The following PTPRD variants were observed in gnomAD, a reference collection of about 807,000 sequenced individuals.
PTPRD encodes the protein receptor-type tyrosine-protein phosphatase delta.
In PTPRD, 34 loss-of-function variants were observed where a neutral mutation model predicts 214.5. That is an observed-to-expected ratio of 0.16 (90% CI 0.12 to 0.21). The LOEUF is 0.21. Ranked by LOEUF, PTPRD falls within the 10% of genes least tolerant of loss-of-function variation. PTPRD has a pLI of 1.00. For missense variants in PTPRD, 2,545 were observed against 2,398.7 expected, an observed-to-expected ratio of 1.06 and a Z score of -1.27; for synonymous variants, 1,128 against 845.7, an observed-to-expected ratio of 1.33 and a Z score of -5.79.
chr9:9,255,254 T>G (rs1336152708), intron 9 of PTPRD, among the ~76,000 whole-genome samples: 3 of 152,046 alleles, frequency 2.0e-5, no homozygotes, highest in Non-Finnish European at 4.4e-5. Context: ...TTATTTAAAT[T>G]TAGATTCCGT....
Position 8,316,528 on chromosome 9 carries a change from T to TAAAC in PTPRD, c.*1342_*1345dup, listed in dbSNP as rs963427049. 4.3e-5 allele frequency: 10 copies of TAAAC among 230,602 alleles called. No homozygotes were observed. The highest frequency in any genetic ancestry group is 6.6e-5 in the African/African-American group (3 of 45,164). 14.3% of individuals were successfully genotyped at this position (230,602 alleles called of 1,614,324 possible). On this transcript the variant is annotated 3_prime_UTR_variant, in exon 46 of 46. Transcript: ENST00000381196. ...AATATACGATTGAATACACTTTTTT[T>TAAAC]AAACAACTCGATAGCTGATATATTA...
At chr9:9,607,745 TAAA>T (rs61080071) in intron 7 of PTPRD, among the ~76,000 whole-genome samples, 8 of 140,704 alleles carry the variant, frequency 5.7e-5, no homozygotes, top group Non-Finnish European at 4.6e-5. Context: ...AGACTGTTAG[TAAA>T]AAAAAAAAAA....
chr9:9,077,965 A>C (rs948498289), intron 10 of PTPRD, among the ~76,000 whole-genome samples: 1 of 152,084 alleles, frequency 6.6e-6, no homozygotes, highest in Non-Finnish European at 1.5e-5. Context: ...TAGAAATAAG[A>C]GTGAATAAGA....
At chr9:10,101,283 T>G (rs1195310448) in intron 3 of PTPRD, among the ~76,000 whole-genome samples, 1 of 151,704 alleles carries the variant, frequency 6.6e-6, no homozygotes, top group Non-Finnish European at 1.5e-5. Flanking sequence ...TGGAAATTGA[T>G]GTAGGTGTGA....
chr9:9,871,763 G>T (rs923702841), intron 5 of PTPRD, among the ~76,000 whole-genome samples: 2 of 152,094 alleles, frequency 1.3e-5, no homozygotes, highest in African/African-American at 2.4e-5. Context: ...GGGAGGAGAA[G>T]CTCATGGGCA....
At chr9:9,158,818 T>C (rs1192414999) in intron 10 of PTPRD, among the ~76,000 whole-genome samples, 1 of 152,110 alleles carries the variant, frequency 6.6e-6, no homozygotes, top group Non-Finnish European at 1.5e-5. Flanking sequence ...AGTAAAATAT[T>C]AGCAAACTGA....
intron 35 of PTPRD, among the ~76,000 whole-genome samples, chr9:8,422,106 C>T (rs747671471): frequency 7.8e-6 from 1 of 128,294 alleles, no homozygotes; most frequent in Non-Finnish European, 1.6e-5. Context: ...CTGATGGTGC[C>T]ACTGCACTTC....
intron 11 of PTPRD, among the ~76,000 whole-genome samples, chr9:8,749,035 C>G (rs2154459463): frequency 6.6e-6 from 1 of 152,074 alleles, no homozygotes; most frequent in African/African-American, 2.4e-5. Context: ...TATACATTTA[C>G]TATGCTACTA....
At chr9:9,684,947 A>G (rs1459234094) in intron 7 of PTPRD, among the ~76,000 whole-genome samples, 3 of 151,634 alleles carry the variant, frequency 2.0e-5, no homozygotes, top group African/African-American at 4.8e-5. Flanking sequence ...AGAATAGATT[A>G]TACATCACAG....
intron 8 of PTPRD, among the ~76,000 whole-genome samples, chr9:9,469,736 T>G (rs2094464032): frequency 6.6e-6 from 1 of 152,176 alleles, no homozygotes; most frequent in Admixed American, 6.5e-5. Flanking sequence ...TTAAAATGCC[T>G]GAATCTCTGC....
At chr9:10,568,247 A>G (rs143286890) in intron 2 of PTPRD, among the ~76,000 whole-genome samples, 5,109 of 151,844 alleles carry the variant, frequency 0.034, 289 homozygotes, top group African/African-American at 0.12. Context: ...ATAGTTTGCC[A>G]AGAATGATGG....
At chr9:8,713,656 C>T (rs1011756661) in intron 12 of PTPRD, 3 of 1,510,326 alleles carry the variant, frequency 2.0e-6, no homozygotes, top group South Asian at 1.1e-5. Flanking sequence ...CATGGGCGCC[C>T]GGCACCGCGC....
At chr9:8,840,688 C>T (rs943628114) in intron 11 of PTPRD, among the ~76,000 whole-genome samples, 10 of 152,114 alleles carry the variant, frequency 6.6e-5, no homozygotes, top group African/African-American at 2.2e-4. Context: ...GTATGTAATT[C>T]GGTGGGCCTA....
At chr9:9,857,030 G>T (rs879853231) in intron 5 of PTPRD, among the ~76,000 whole-genome samples, 1 of 152,176 alleles carries the variant, frequency 6.6e-6, no homozygotes, top group African/African-American at 2.4e-5. Context: ...AGCCTTGGAA[G>T]TAGGCACTTT....
At chr9:10,550,963 T>C (rs1408045330) in intron 2 of PTPRD, among the ~76,000 whole-genome samples, 3 of 152,220 alleles carry the variant, frequency 2.0e-5, no homozygotes, top group Non-Finnish European at 2.9e-5. Context: ...TGTACACACA[T>C]TTCTAAACTT....
At chr9:8,667,929 T>C (rs1190005987) in intron 12 of PTPRD, among the ~76,000 whole-genome samples, 1 of 152,120 alleles carries the variant, frequency 6.6e-6, no homozygotes, top group African/African-American at 2.4e-5. Context: ...CTATTCTGGC[T>C]TGAGAAGTTG....
At chr9:9,239,839 T>A (rs78863367) in intron 9 of PTPRD, among the ~76,000 whole-genome samples, 3,805 of 152,242 alleles carry the variant, frequency 0.025, 147 homozygotes, top group African/African-American at 0.077. Context: ...TTGTGCTCTA[T>A]CCCTGGTATG....
intron 8 of PTPRD, among the ~76,000 whole-genome samples, chr9:9,430,054 C>A (rs1214994970): frequency 1.3e-5 from 2 of 152,140 alleles, no homozygotes; most frequent in Admixed American, 6.5e-5. Flanking sequence ...CTGGCCAGGG[C>A]AATCAGGCAG....
At chr9:8,525,475 CT>C (rs1193816280) in intron 17 of PTPRD, among the ~76,000 whole-genome samples, 4 of 152,066 alleles carry the variant, frequency 2.6e-5, no homozygotes, top group Non-Finnish European at 5.9e-5. Flanking sequence ...AGAAAGTCTT[CT>C]GCTGAAGAGA....
Sources: gnomAD v4.1 joint callset for allele counts (sites outside exome capture counted in the v4.1 genomes callset) on GRCh38, gnomAD v4.1.1 for gene constraint, MANE v1.5 for transcripts, NCBI Gene and HGNC (gene_info 2026-07-23, HGNC 2026-07-21) for gene names.